The following UBE2E3 variants were observed in gnomAD, a reference collection of about 807,000 sequenced individuals.
UBE2E3 encodes the protein ubiquitin conjugating enzyme E2 E3, also known as ubiquitin-conjugating enzyme E2 E3.
UBE2E3 carries 5 observed loss-of-function variants against 23.6 expected under a neutral mutation model. The ratio of observed to expected loss-of-function variants is 0.21; its 90% CI spans 0.11 to 0.44. The LOEUF (loss-of-function observed/expected upper bound fraction) is 0.44, where lower values mean the gene tolerates loss of function less well. Ranked by LOEUF, UBE2E3 falls within the 20% of genes least tolerant of loss-of-function variation. UBE2E3 has a pLI of 0.99. For synonymous variants in UBE2E3, 78 were observed against 87.5 expected (o/e 0.89, Z 0.60); for missense variants, 81 against 249.8 (o/e 0.32, Z 4.55).
rs906134491 is a variant in UBE2E3, at chr2:181,061,374, C to T, written c.526+562C>T. On this transcript the variant is annotated intron_variant, in intron 5 of 5. Coordinates refer to ENST00000410062, the MANE Select transcript of UBE2E3 (RefSeq NM_006357.4). ...TCTTGACCTCATGATCCACCCGCCTCGGCCTCCCAAAGTGCTGGGATTACA... is the reference window on the plus strand; with the variant it reads ...TCTTGACCTCATGATCCACCCGCCTTGGCCTCCCAAAGTGCTGGGATTACA... Among the ~76,000 whole-genome samples the T allele has an allele frequency of 7.1e-4, 6 of 8,482 alleles. 3 individuals carry two copies. The highest frequency in any genetic ancestry group is 3.3e-3 in the African/African-American group (4 of 1,210). 5.6% of individuals were successfully genotyped at this position (8,482 alleles called of 152,430 possible).
At chr2:181,004,245 G>C (rs1271695395) in intron 3 of UBE2E3, among the ~76,000 whole-genome samples, 1 of 152,188 alleles carries the variant, frequency 6.6e-6, no homozygotes, top group East Asian at 1.9e-4. Flanking sequence ...CAATGGTGCA[G>C]TGTGTAGTAG....
At chr2:180,983,902 A>G in intron 2 of UBE2E3, 141 bp from the exon 3 acceptor site, 1 of 575,928 alleles carries the variant, frequency 1.7e-6, no homozygotes, top group Non-Finnish European at 3.0e-6. Context: ...TCTGAGAACA[A>G]AGAGGAAGCA....
At chr2:181,044,767 A>G (rs529399871) in intron 3 of UBE2E3, among the ~76,000 whole-genome samples, 1 of 152,152 alleles carries the variant, frequency 6.6e-6, no homozygotes. Context: ...ATTAATCACT[A>G]TGTTAAAAGT....
intron 3 of UBE2E3, chr2:180,987,346 C>T: frequency 6.5e-7 from 1 of 1,549,842 alleles, no homozygotes; most frequent in South Asian, 1.2e-5. Context: ...AGAGGGTGTC[C>T]TTGTCCTCTC....
At chr2:181,032,811 A>G (rs1190742121) in intron 3 of UBE2E3, among the ~76,000 whole-genome samples, 4 of 152,182 alleles carry the variant, frequency 2.6e-5, no homozygotes, top group Non-Finnish European at 4.4e-5. Flanking sequence ...AATCTCCTTA[A>G]GCTGATAAGC....
Position 181,018,597 on chromosome 2 carries a change from T to TG in UBE2E3, c.245+34505dup, listed in dbSNP as rs1413267340. ...TCCCTGCATTTTGTTTCAATTTCTG[T>TG]GTTTTTTTTTTTTTTTTTTCCATTA... On this transcript the variant is annotated intron_variant, in intron 3 of 5. Transcript: ENST00000410062. 4.9e-4 allele frequency among the ~76,000 whole-genome samples: 55 copies of TG among 112,718 alleles called. 1 individual carries two copies. In the South Asian group the frequency reaches 6.0e-3, roughly 12 times the overall value. The allele number at this position is 112,718 out of a possible 152,430, so 73.9% of individuals were successfully genotyped here.
intron 3 of UBE2E3, among the ~76,000 whole-genome samples, chr2:181,052,572 T>C (rs1686872366): frequency 6.6e-6 from 1 of 151,844 alleles, no homozygotes; most frequent in Non-Finnish European, 1.5e-5. Context: ...AATGGTTGAG[T>C]GCTGAAAGTT....
chr2:181,030,182 T>C (rs1686031898), intron 3 of UBE2E3, among the ~76,000 whole-genome samples: 1 of 152,114 alleles, frequency 6.6e-6, no homozygotes, highest in African/African-American at 2.4e-5. Flanking sequence ...GTGGTGGTGG[T>C]GGCCTTATGT....
chr2:181,003,205 A>G (rs1247266040), intron 3 of UBE2E3, among the ~76,000 whole-genome samples: 2 of 152,216 alleles, frequency 1.3e-5, no homozygotes, highest in African/African-American at 2.4e-5. Context: ...TAGCCTAAAT[A>G]TATTTTCATT....
chr2:181,036,454 T>C (rs1487195895), intron 3 of UBE2E3, among the ~76,000 whole-genome samples: 5 of 152,322 alleles, frequency 3.3e-5, no homozygotes, highest in Non-Finnish European at 5.9e-5. Context: ...GCAGGGGCCA[T>C]TGTGTGGAGT....
chr2:181,005,978 T>G lies in UBE2E3; in HGVS notation c.245+21885T>G, dbSNP rs143801137. 8.0e-3 allele frequency among the ~76,000 whole-genome samples: 1,220 copies of G among 152,296 alleles called. 16 individuals carry two copies. Among genetic ancestry groups the G allele is most frequent in the African/African-American group, 0.026 (1,089 of 41,562 alleles). On this transcript the variant is annotated intron_variant, in intron 3 of 5. Coordinates refer to ENST00000410062, the MANE Select transcript of UBE2E3 (RefSeq NM_006357.4). ...CCAGATTTTGGCTCATGTGTATAAT[T>G]ATAGCTAAGCCAAGAGCTGCTGATG...
Position 181,037,546 on chromosome 2 carries a change from CTT to C in UBE2E3, c.246-20144_246-20143del, listed in dbSNP as rs1250107597. On this transcript the variant is annotated intron_variant, in intron 3 of 5. Transcript: ENST00000410062. Reference sequence around the variant, plus strand: ...AAGTTTAAAAAATTAAATAAAATAACTTTTAAAAATAAAAAAGCTTATAGACA... The same window carrying C: ...AAGTTTAAAAAATTAAATAAAATAACTTAAAAATAAAAAAGCTTATAGACA... Among the ~76,000 whole-genome samples, 3 of 152,124 alleles carry C rather than the reference CTT, an allele frequency of 2.0e-5. No individual in the cohort carries two copies. In the East Asian group the frequency reaches 5.8e-4, roughly 29 times the overall value.
chr2:181,008,128 T>A (rs1685206704), intron 3 of UBE2E3, among the ~76,000 whole-genome samples: 1 of 152,210 alleles, frequency 6.6e-6, no homozygotes, highest in African/African-American at 2.4e-5. Context: ...AGTTGTGACA[T>A]TATGGGATCT....
chr2:181,056,913 G>A (rs1687004588), intron 3 of UBE2E3, among the ~76,000 whole-genome samples: 1 of 151,608 alleles, frequency 6.6e-6, no homozygotes, highest in Non-Finnish European at 1.5e-5. Context: ...CTCCAAATGT[G>A]ATACCATGAG....
At position 181,040,393 on chromosome 2, in the gene UBE2E3, G is replaced by C. The variant is rs1343983091; in HGVS notation, c.246-17300G>C. 2.6e-5 allele frequency among the ~76,000 whole-genome samples: 4 copies of C among 151,980 alleles called. No homozygotes were observed. The East Asian group carries it at 7.7e-4, about 29-fold the overall frequency. ...TCTTTTATCCCTACTACAGTGCCTG[G>C]CTTATGATGTACATAAAATAAATAT... On this transcript the variant is annotated intron_variant, in intron 3 of 5. Coordinates refer to ENST00000410062, the MANE Select transcript of UBE2E3 (RefSeq NM_006357.4).
At chr2:181,014,644 A>G (rs1343684325) in intron 3 of UBE2E3, among the ~76,000 whole-genome samples, 1 of 152,160 alleles carries the variant, frequency 6.6e-6, no homozygotes, top group African/African-American at 2.4e-5. Flanking sequence ...GTGCCAGGTA[A>G]GTTGAGGACT....
At chr2:180,982,352 G>T in intron 2 of UBE2E3, 116 bp downstream of exon 2, 2 of 923,150 alleles carry the variant, frequency 2.2e-6, no homozygotes, top group South Asian at 3.3e-5. Context: ...TTCATTATCA[G>T]TTTAATTGTA....
chr2:181,017,140 T>C (rs1382655902), intron 3 of UBE2E3, among the ~76,000 whole-genome samples: 1 of 152,188 alleles, frequency 6.6e-6, no homozygotes, highest in Non-Finnish European at 1.5e-5. Flanking sequence ...CTGAGACTGA[T>C]AGAACATTCC....
intron 3 of UBE2E3, among the ~76,000 whole-genome samples, chr2:181,047,972 G>A (rs554790099): frequency 7.2e-5 from 11 of 152,182 alleles, no homozygotes; most frequent in African/African-American, 2.4e-4. Context: ...TACTTCCCAT[G>A]TTCTCTTCCC....
Sources: allele counts gnomAD v4.1 joint callset (sites outside exome capture counted in the v4.1 genomes callset), GRCh38; gene constraint gnomAD v4.1.1; transcripts MANE v1.5; gene names NCBI Gene and HGNC (gene_info 2026-07-23, HGNC 2026-07-21).